CFAP299: variants seen among roughly 807,000 people sequenced by gnomAD.
CFAP299 encodes the protein cilia- and flagella-associated protein 299.
In CFAP299, 21 loss-of-function variants were observed where a neutral mutation model predicts 27.0. The observed-to-expected ratio is 0.78, with a 90% CI of 0.55 to 1.12. CFAP299 has a LOEUF of 1.12. Among genes scored for constraint, CFAP299 ranks in the 50% most tolerant of loss-of-function variants. The probability of loss-of-function intolerance (pLI) is 0.00; values close to 1 mark genes in which losing one functional copy is unlikely to be tolerated. For missense variants in CFAP299, 310 were observed against 276.6 expected (o/e 1.12, Z -0.86); for synonymous variants, 104 against 98.1 (o/e 1.06, Z -0.36).
chr4:80,781,159 T>G (rs1424454578), intron 3 of CFAP299, among the ~76,000 whole-genome samples: 1 of 152,010 alleles, frequency 6.6e-6, no homozygotes, highest in East Asian at 1.9e-4. Flanking sequence ...ATTTTTAAAA[T>G]CCTGTTTTGA....
At chr4:80,739,872 G>A (rs1040492079) in intron 3 of CFAP299, among the ~76,000 whole-genome samples, 6 of 151,064 alleles carry the variant, frequency 4.0e-5, no homozygotes, top group African/African-American at 1.5e-4. Flanking sequence ...TTTTTCTTTT[G>A]TCTCCTCTGT....
At chr4:80,589,244 G>T (rs1053040047) in intron 3 of CFAP299, among the ~76,000 whole-genome samples, 1 of 151,956 alleles carries the variant, frequency 6.6e-6, no homozygotes, top group Non-Finnish European at 1.5e-5. Flanking sequence ...TAAATATTTT[G>T]CCCAGTGTTC....
At chr4:80,959,344 A>T (rs77327434) in intron 5 of CFAP299, among the ~76,000 whole-genome samples, 3,226 of 152,240 alleles carry the variant, frequency 0.021, 130 homozygotes, top group African/African-American at 0.073. Flanking sequence ...TATTTTTTAA[A>T]CAGTAGCTGA....
chr4:80,900,602 A>T (rs999341914), intron 4 of CFAP299, among the ~76,000 whole-genome samples: 7 of 152,126 alleles, frequency 4.6e-5, no homozygotes, highest in Admixed American at 2.6e-4. Flanking sequence ...GAAAATTAAG[A>T]AGGGGTTGCT....
chr4:80,654,340 T>C (rs771311496), intron 3 of CFAP299, among the ~76,000 whole-genome samples: 1 of 152,170 alleles, frequency 6.6e-6, no homozygotes, highest in Non-Finnish European at 1.5e-5. Context: ...GGAAGATTTC[T>C]CATGGAATTT....
At chr4:80,740,867 T>C (rs1724220819) in intron 3 of CFAP299, among the ~76,000 whole-genome samples, 1 of 152,054 alleles carries the variant, frequency 6.6e-6, no homozygotes, top group Admixed American at 6.5e-5. Context: ...CACCGATGTT[T>C]ACTTAAAGCC....
intron 3 of CFAP299, among the ~76,000 whole-genome samples, chr4:80,736,556 G>GA (rs1164591830): frequency 6.6e-6 from 1 of 151,920 alleles, no homozygotes; most frequent in Non-Finnish European, 1.5e-5. Flanking sequence ...AAAAACACAT[G>GA]AAAAAATGCT....
intron 3 of CFAP299, among the ~76,000 whole-genome samples, chr4:80,761,864 G>C (rs1382545784): frequency 6.6e-6 from 1 of 151,878 alleles, no homozygotes; most frequent in Non-Finnish European, 1.5e-5. Context: ...AATATTAGGA[G>C]AGCATAGAAG....
intron 3 of CFAP299, among the ~76,000 whole-genome samples, chr4:80,764,340 A>G (rs1725722014): frequency 6.6e-6 from 1 of 152,184 alleles, no homozygotes; most frequent in African/African-American, 2.4e-5. Flanking sequence ...AACAAACATG[A>G]AAAAAAGCTC....
rs1560417028 is a variant in CFAP299, at chr4:80,799,664, T to TTTATAAATTTTATATATTATATA, written c.334-70321_334-70320insTTTATATATTATATATTATAAAT. Among the ~76,000 whole-genome samples, 28 of 17,894 alleles carry TTTATAAATTTTATATATTATATA rather than the reference T, an allele frequency of 1.6e-3. 4 individuals are homozygous for TTTATAAATTTTATATATTATATA. The highest frequency in any genetic ancestry group is 7.1e-3 in the African/African-American group (28 of 3,948). 11.7% of individuals were successfully genotyped at this position (17,894 alleles called of 152,430 possible). A position where few individuals can be genotyped will look rare whatever the true frequency, so the allele number is the denominator to read the frequency against. On this transcript the variant is annotated intron_variant, in intron 3 of 5. Coordinates refer to ENST00000358105, the MANE Select transcript of CFAP299 (RefSeq NM_152770.3). ...AAAATATATATTTTATATATTATAT[T>TTTATAAATTTTATATATTATATA]TTATAAATATATATTTATAAATATA...
At chr4:80,848,035 C>A (rs1256591242) in intron 3 of CFAP299, among the ~76,000 whole-genome samples, 1 of 151,824 alleles carries the variant, frequency 6.6e-6, no homozygotes, top group East Asian at 1.9e-4. Flanking sequence ...CATGGCAGAA[C>A]CCTATCTCTA....
intron 2 of CFAP299, among the ~76,000 whole-genome samples, chr4:80,522,597 C>T (rs1364658206): frequency 6.6e-6 from 1 of 151,948 alleles, no homozygotes; most frequent in Admixed American, 6.6e-5. Flanking sequence ...TGAAGTATTT[C>T]CCATATGTTT....
At chr4:80,876,062 C>G (rs375104623) in intron 4 of CFAP299, among the ~76,000 whole-genome samples, 177 of 151,560 alleles carry the variant, frequency 1.2e-3, no homozygotes, top group African/African-American at 4.0e-3. Flanking sequence ...GTTAACTGAG[C>G]ACTTACTGTG....
At chr4:80,624,713 A>C (rs771986587) in intron 3 of CFAP299, among the ~76,000 whole-genome samples, 2 of 152,042 alleles carry the variant, frequency 1.3e-5, no homozygotes, top group Non-Finnish European at 2.9e-5. Flanking sequence ...ATCAATGAGG[A>C]GAGGATTTTT....
chr4:80,398,685 TA>T (rs1725957606), intron 2 of CFAP299, among the ~76,000 whole-genome samples: 2 of 152,172 alleles, frequency 1.3e-5, no homozygotes, highest in Non-Finnish European at 2.9e-5. Flanking sequence ...ATACTAAAAT[TA>T]ATTCAAGATG....
chr4:80,446,331 C>G (rs1027682627), intron 2 of CFAP299, among the ~76,000 whole-genome samples: 1 of 152,144 alleles, frequency 6.6e-6, no homozygotes, highest in Non-Finnish European at 1.5e-5. Context: ...AGGAAGGGGG[C>G]AAGGACTTGT....
At chr4:80,915,100 A>G (rs960684897) in intron 4 of CFAP299, among the ~76,000 whole-genome samples, 11 of 151,894 alleles carry the variant, frequency 7.2e-5, no homozygotes, top group African/African-American at 1.9e-4. Context: ...AAAATTTGTT[A>G]TATATTTATT....
chr4:80,822,799 A>G (rs889597631), intron 3 of CFAP299, among the ~76,000 whole-genome samples: 2 of 152,214 alleles, frequency 1.3e-5, no homozygotes, highest in African/African-American at 2.4e-5. Flanking sequence ...CTGATTTATC[A>G]ATGATACAGT....
intron 2 of CFAP299, among the ~76,000 whole-genome samples, chr4:80,379,197 C>G (rs1724572382): frequency 6.6e-6 from 1 of 151,912 alleles, no homozygotes; most frequent in African/African-American, 2.4e-5. Flanking sequence ...GTTCATTTCA[C>G]CTAATCAATC....
Sources: gnomAD v4.1 joint callset for allele counts (sites outside exome capture counted in the v4.1 genomes callset) on GRCh38, gnomAD v4.1.1 for gene constraint, MANE v1.5 for transcripts, NCBI Gene and HGNC (gene_info 2026-07-23, HGNC 2026-07-21) for gene names.